Variants in ZNF420 observed in about 807,000 individuals in gnomAD.
The protein encoded by ZNF420 is zinc finger protein 420.
In ZNF420, 31 loss-of-function variants were observed where a neutral mutation model predicts 44.7. That is an observed-to-expected ratio of 0.69 (90% CI 0.52 to 0.94). The LOEUF (loss-of-function observed/expected upper bound fraction) is 0.94. Among genes scored for constraint, ZNF420 ranks in the 40% least tolerant of loss-of-function variants. ZNF420 has a pLI of 0.00. For missense variants in ZNF420, 681 were observed against 827.9 expected, an observed-to-expected ratio of 0.82 and a Z score of 2.18; for synonymous variants, 245 against 267.4, an observed-to-expected ratio of 0.92 and a Z score of 0.82.
intron 1 of ZNF420, among the ~76,000 whole-genome samples, chr19:37,034,452 G>T (rs1967317688): frequency 6.6e-6 from 1 of 152,104 alleles, no homozygotes; most frequent in African/African-American, 2.4e-5. Context: ...CGTCCATTCT[G>T]CAGGTTGTCC....
Position 37,130,113 on chromosome 19 carries a change from T to C in ZNF420, c.*1055T>C, listed in dbSNP as rs1372553414. Reference sequence around the variant, plus strand: ...TTACGAAATCCATTTTTCCTGTCTTTTTTTCCGTGCCTACAATGTGGACAT... The same window carrying C: ...TTACGAAATCCATTTTTCCTGTCTTCTTTTCCGTGCCTACAATGTGGACAT... On this transcript the variant is annotated 3_prime_UTR_variant, in exon 5 of 5. Transcript: ENST00000337995. The C allele has an allele frequency of 5.8e-6, 9 of 1,550,322 alleles. No individual in the cohort carries two copies. In the South Asian group the frequency reaches 1.1e-4, roughly 18 times the overall value.
upstream of ZNF420, among the ~76,000 whole-genome samples, chr19:37,076,314 A>C (rs1250171114): frequency 6.6e-6 from 1 of 152,046 alleles, no homozygotes; most frequent in East Asian, 1.9e-4. Context: ...TCCTAAAAAA[A>C]AAAACAAAAC....
intron 1 of ZNF420, among the ~76,000 whole-genome samples, chr19:37,013,218 G>T (rs541674963): frequency 1.3e-5 from 2 of 152,006 alleles, no homozygotes; most frequent in Admixed American, 1.3e-4. Context: ...CACCTTACTC[G>T]CCTCTCACTG....
intron 1 of ZNF420, among the ~76,000 whole-genome samples, chr19:37,061,901 A>T (rs1320741992): frequency 6.6e-6 from 1 of 152,222 alleles, no homozygotes; most frequent in East Asian, 1.9e-4. Context: ...CGTTAATTCA[A>T]CGTTTAATGG....
At chr19:37,046,254 G>C (rs556483001) in intron 1 of ZNF420, among the ~76,000 whole-genome samples, 1 of 152,244 alleles carries the variant, frequency 6.6e-6, no homozygotes, top group African/African-American at 2.4e-5. Flanking sequence ...AACCACTTTG[G>C]AAAACAATAG....
intron 4 of ZNF420, among the ~76,000 whole-genome samples, chr19:37,109,189 A>G (rs1244903786): frequency 1.3e-5 from 2 of 152,150 alleles, no homozygotes; most frequent in Non-Finnish European, 2.9e-5. Flanking sequence ...ACCCAGTAGA[A>G]ATATTTATCG....
At chr19:37,088,902 A>G (rs923648775) in intron 2 of ZNF420, 137 bp from the exon 3 acceptor site, 4 of 554,774 alleles carry the variant, frequency 7.2e-6, no homozygotes, top group Non-Finnish European at 1.3e-5. Flanking sequence ...AAGAACCACA[A>G]CATATGTCTG....
chr19:37,071,036 G>A (rs940542307), intron 1 of ZNF420, among the ~76,000 whole-genome samples: 13 of 152,218 alleles, frequency 8.5e-5, no homozygotes, highest in East Asian at 5.8e-4. Flanking sequence ...TGTATGGCCC[G>A]CAAAGCCTAA....
chr19:37,048,405 A>C (rs186929985), intron 1 of ZNF420, among the ~76,000 whole-genome samples: 25 of 152,346 alleles, frequency 1.6e-4, no homozygotes, highest in African/African-American at 5.8e-4. Flanking sequence ...AACCAAAAAG[A>C]AATATTGATT....
intron 4 of ZNF420, among the ~76,000 whole-genome samples, chr19:37,118,502 C>T (rs981539606): frequency 9.9e-5 from 15 of 152,176 alleles, no homozygotes; most frequent in Non-Finnish European, 1.6e-4. Context: ...CCTGTACCAG[C>T]CACTGCAAAA....
intron 1 of ZNF420, among the ~76,000 whole-genome samples, chr19:37,036,896 C>T (rs770112121): frequency 4.6e-5 from 7 of 152,210 alleles, no homozygotes; most frequent in Non-Finnish European, 5.9e-5. Context: ...AATATACCGC[C>T]ATAATAACCC....
intron 1 of ZNF420, among the ~76,000 whole-genome samples, chr19:37,062,054 A>G (rs1157989811): frequency 1.3e-5 from 2 of 152,230 alleles, no homozygotes; most frequent in Non-Finnish European, 2.9e-5. Context: ...CACAGAAAGT[A>G]GTGGAATGAG....
At chr19:37,060,110 C>G (rs1476896726) in intron 1 of ZNF420, among the ~76,000 whole-genome samples, 2 of 152,080 alleles carry the variant, frequency 1.3e-5, no homozygotes, top group African/African-American at 4.8e-5. Context: ...GGAGATGCGT[C>G]GGTCCCAGAG....
chr19:37,092,169 T>A (rs1270444577), intron 4 of ZNF420: 7 of 152,150 alleles, frequency 4.6e-5, no homozygotes, highest in Non-Finnish European at 1.5e-5. Context: ...TCTTCCTTCC[T>A]TTCTCCTCTG....
chr19:37,038,911 A>G (rs1967404343), intron 1 of ZNF420, among the ~76,000 whole-genome samples: 1 of 152,042 alleles, frequency 6.6e-6, no homozygotes, highest in South Asian at 2.1e-4. Flanking sequence ...GCTTGAACCC[A>G]GGAGGCGGAG....
Position 37,127,944 on chromosome 19 carries a change from G to A in ZNF420, c.953G>A (p.Cys318Tyr). 1.2e-6 allele frequency: 2 copies of A among 1,613,928 alleles called. No individual in the cohort carries two copies. The highest frequency in any genetic ancestry group is 2.2e-5 in the South Asian group (2 of 91,060). Residue 318 changes from cysteine (C) to tyrosine (Y), a missense_variant, in exon 5 of 5, where the codon TGT (cysteine) becomes TAT (tyrosine). Cys to Tyr is a radical substitution (Grantham distance 194). Coordinates refer to ENST00000337995, the MANE Select transcript of ZNF420 (RefSeq NM_144689.5). ...AAGGAATGTGGAAAAGCTTTTATTT[G>A]TGGCTCACAGCTTTCTCAACATCAG... The part of the protein sequence containing the change: ...ECKECGKAFI[C>Y]GSQLSQHQKI...
chr19:37,099,689 TCTCGG>T (rs1969656327), intron 4 of ZNF420, among the ~76,000 whole-genome samples: 1 of 152,314 alleles, frequency 6.6e-6, no homozygotes, highest in South Asian at 2.1e-4. Context: ...AGTGGTGCAA[TCTCGG>T]CTCACTACAA....
At chr19:37,010,240 A>G (rs915812753) in intron 1 of ZNF420, among the ~76,000 whole-genome samples, 2 of 152,140 alleles carry the variant, frequency 1.3e-5, no homozygotes, top group South Asian at 4.1e-4. Context: ...CGGTCTCTGG[A>G]TGCCAGGAGT....
Position 37,127,883 on chromosome 19 carries a change from A to G in ZNF420, c.892A>G (p.Lys298Glu). 1 of 1,613,858 alleles carries G rather than the reference A, an allele frequency of 6.2e-7. No homozygotes were observed. The highest frequency in any genetic ancestry group is 8.5e-7 in the Non-Finnish European group (1 of 1,179,920). The change falls in exon 5 of 5, where the codon AAG becomes GAG. Residue 298 changes from lysine (K) to glutamate (E), a missense_variant. Coordinates refer to ENST00000337995, the MANE Select transcript of ZNF420 (RefSeq NM_144689.5). ...TCAGCTCTCACAACTTATTCTGCAT[A>G]AGAGAATTCATACCGGTGAGAAACC... ...FTQLSQLILH[K>E]RIHTGEKPYE...
Sources: allele counts gnomAD v4.1 joint callset (sites outside exome capture counted in the v4.1 genomes callset), GRCh38; gene constraint gnomAD v4.1.1; transcripts MANE v1.5; gene names NCBI Gene and HGNC (gene_info 2026-07-23, HGNC 2026-07-21).